Variants in LINGO2 observed in about 807,000 individuals in gnomAD.
LINGO2 encodes leucine rich repeat and Ig domain containing 2.
Under a neutral mutation model 30.6 loss-of-function variants are expected in LINGO2, and 14 were observed. That is an observed-to-expected ratio of 0.46 (90% CI 0.30 to 0.72). LINGO2 has a LOEUF of 0.72. Ranked by LOEUF, LINGO2 falls within the 30% of genes least tolerant of loss-of-function variation. LINGO2 has a pLI of 0.07. For synonymous variants in LINGO2, 317 were observed against 288.5 expected, an observed-to-expected ratio of 1.10 and a Z score of -1.00; for missense variants, 729 against 751.7, an observed-to-expected ratio of 0.97 and a Z score of 0.35.
the LINGO2 span, among the ~76,000 whole-genome samples, chr9:29,021,432 C>T: frequency 5.9e-5 from 9 of 151,950 alleles, no homozygotes; most frequent in Non-Finnish European, 1.3e-4. Context: ...GCGATGCGGG[C>T]GGATCATGAG....
At chr9:28,568,207 T>A (rs541958976) in intron 1 of LINGO2, among the ~76,000 whole-genome samples, 1 of 151,944 alleles carries the variant, frequency 6.6e-6, no homozygotes, top group African/African-American at 2.4e-5. Flanking sequence ...AGCAAAAAAA[T>A]CTGAAAACAG....
chr9:28,258,123 T>C (rs1406249802), intron 4 of LINGO2, among the ~76,000 whole-genome samples: 1 of 151,978 alleles, frequency 6.6e-6, no homozygotes, highest in Non-Finnish European at 1.5e-5. Flanking sequence ...AGTTTGTCTT[T>C]CAAGTGCTTA....
intron 4 of LINGO2, among the ~76,000 whole-genome samples, chr9:28,033,167 T>TA (rs1189074574): frequency 6.6e-6 from 1 of 152,240 alleles, no homozygotes; most frequent in African/African-American, 2.4e-5. Context: ...TCCATTCCCT[T>TA]TGCAAATGTT....
intron 4 of LINGO2, among the ~76,000 whole-genome samples, chr9:28,280,948 C>T (rs1823301034): frequency 6.6e-6 from 1 of 152,118 alleles, no homozygotes; most frequent in Non-Finnish European, 1.5e-5. Flanking sequence ...AACCCTAACA[C>T]CTGTTTGTTT....
chr9:28,288,273 A>C (rs1823591156), intron 4 of LINGO2, among the ~76,000 whole-genome samples: 1 of 151,990 alleles, frequency 6.6e-6, no homozygotes, highest in East Asian at 1.9e-4. Flanking sequence ...CATTCCTCAA[A>C]CATAACGTTT....
At chr9:28,215,488 T>C (rs1180242914) in intron 4 of LINGO2, among the ~76,000 whole-genome samples, 1 of 151,812 alleles carries the variant, frequency 6.6e-6, no homozygotes, top group Admixed American at 6.6e-5. Context: ...ACCTTTATAT[T>C]TTAAAAAAAG....
At chr9:28,635,353 A>G (rs2135903578) in intron 1 of LINGO2, among the ~76,000 whole-genome samples, 1 of 152,220 alleles carries the variant, frequency 6.6e-6, no homozygotes, top group East Asian at 1.9e-4. Context: ...GCCCTGAAAC[A>G]ATATGATATT....
At chr9:28,415,589 C>A (rs1822934581) in intron 2 of LINGO2, among the ~76,000 whole-genome samples, 1 of 152,252 alleles carries the variant, frequency 6.6e-6, no homozygotes, top group South Asian at 2.1e-4. Flanking sequence ...TACCATTTTC[C>A]TGGAAGTATT....
chr9:28,632,741 T>A (rs537117177), intron 1 of LINGO2, among the ~76,000 whole-genome samples: 1,805 of 137,328 alleles, frequency 0.013, 39 homozygotes, highest in East Asian at 0.029. Flanking sequence ...TCTATATATT[T>A]ATATATAGAT....
intron 4 of LINGO2, among the ~76,000 whole-genome samples, chr9:28,211,299 T>TC (rs1056607015): frequency 1.2e-4 from 18 of 150,292 alleles, no homozygotes; most frequent in Admixed American, 4.7e-4. Flanking sequence ...TTTTTTTTTT[T>TC]TTTTTAGTTT....
At chr9:28,763,634 G>C in the LINGO2 span, among the ~76,000 whole-genome samples, 5 of 148,928 alleles carry the variant, frequency 3.4e-5, no homozygotes, top group Non-Finnish European at 7.5e-5. Context: ...ACTAAAAAAA[G>C]AAAAAAAAAT....
chr9:28,999,663 C>G, the LINGO2 span, among the ~76,000 whole-genome samples: 1 of 151,860 alleles, frequency 6.6e-6, no homozygotes, highest in Non-Finnish European at 1.5e-5. Context: ...AAATCTATTT[C>G]TGAATGTTTG....
At chr9:28,343,199 T>C (rs557137685) in intron 3 of LINGO2, among the ~76,000 whole-genome samples, 1 of 152,174 alleles carries the variant, frequency 6.6e-6, no homozygotes, top group Non-Finnish European at 1.5e-5. Context: ...ATCAGGGTAA[T>C]GGGTCATACA....
intron 4 of LINGO2, among the ~76,000 whole-genome samples, chr9:28,104,266 GTTTTT>G (rs74180789): frequency 1.0e-5 from 1 of 97,430 alleles, no homozygotes; most frequent in African/African-American, 3.8e-5. Context: ...TTTTTTGTTT[GTTTTT>G]TTTTTTTTTT....
At chr9:28,821,115 G>A in the LINGO2 span, among the ~76,000 whole-genome samples, 2 of 152,134 alleles carry the variant, frequency 1.3e-5, no homozygotes, top group African/African-American at 4.8e-5. Flanking sequence ...TCCATTGTTG[G>A]GAAAAATAAA....
intron 4 of LINGO2, among the ~76,000 whole-genome samples, chr9:28,034,175 A>G (rs1160866269): frequency 6.6e-6 from 1 of 152,194 alleles, no homozygotes; most frequent in Non-Finnish European, 1.5e-5. Context: ...TGGGGCGTTC[A>G]GCAGCCTGCA....
chr9:28,989,828 C>A, the LINGO2 span, among the ~76,000 whole-genome samples: 1 of 152,132 alleles, frequency 6.6e-6, no homozygotes, highest in Non-Finnish European at 1.5e-5. Context: ...AATGTTTGCA[C>A]ATAAAATTCT....
At chr9:29,045,447 T>A in the LINGO2 span, among the ~76,000 whole-genome samples, 3 of 152,048 alleles carry the variant, frequency 2.0e-5, no homozygotes, top group Non-Finnish European at 2.9e-5. Context: ...AAAAAAATAA[T>A]TAAAAGCACA....
At chr9:28,359,044 G>A (rs10968533) in intron 3 of LINGO2, among the ~76,000 whole-genome samples, 2,795 of 152,114 alleles carry the variant, frequency 0.018, 28 homozygotes, top group Non-Finnish European at 0.029. Context: ...ATTTCCTTGC[G>A]CAAGATGCCC....
Sources: gnomAD v4.1 joint callset for allele counts (sites outside exome capture counted in the v4.1 genomes callset) on GRCh38, gnomAD v4.1.1 for gene constraint, MANE v1.5 for transcripts, NCBI Gene and HGNC (gene_info 2026-07-23, HGNC 2026-07-21) for gene names.